Variants in MS4A2 observed in about 807,000 individuals in gnomAD.
MS4A2 encodes the protein high affinity immunoglobulin epsilon receptor subunit beta.
Under a neutral mutation model 27.9 loss-of-function variants are expected in MS4A2, and 26 were observed. That is an observed-to-expected ratio of 0.93 (90% CI 0.68 to 1.29). MS4A2 has a LOEUF of 1.29. Among genes scored for constraint, MS4A2 ranks in the 50% most tolerant of loss-of-function variants. MS4A2 has a pLI of 0.00. For synonymous variants in MS4A2, 110 were observed against 98.8 expected, an observed-to-expected ratio of 1.11 and a Z score of -0.67; for missense variants, 284 against 284.6, an observed-to-expected ratio of 1.00 and a Z score of 0.01.
rs781477121 is a variant in MS4A2 at position 60,089,757 on chromosome 11, C to A, written c.122C>A (p.Ser41Ter). 3.7e-6 allele frequency: 6 copies of A among 1,613,998 alleles called. No individual in the cohort carries two copies. Among genetic ancestry groups the A allele is most frequent in the Non-Finnish European group, 5.1e-6 (6 of 1,179,988 alleles). ...GTATCTTCAGGCAGACTATTGAAGTCGGCCTCATCCCCACCACTGCATACA... is the reference window on the plus strand; with the variant it reads ...GTATCTTCAGGCAGACTATTGAAGTAGGCCTCATCCCCACCACTGCATACA... ...QEVSSGRLLK[S>*]ASSPPLHTWL... Residue 41 changes from serine (S) to a stop codon, truncating the protein, a stop_gained, in exon 2 of 7, where the codon TCG becomes TAG. Transcript: ENST00000278888. LOFTEE classifies it high-confidence loss of function.
At chr11:60,089,589 T>C in intron 1 of MS4A2, 103 bp from the exon 2 acceptor site, 3 of 1,462,642 alleles carry the variant, frequency 2.1e-6, no homozygotes, top group Non-Finnish European at 9.6e-7. Flanking sequence ...AATTACAGGA[T>C]GGCTTTGAAA....
rs1313382122 is a variant in MS4A2, at chr11:60,093,253, G to A, written c.379-147G>A. ...AAGTAATATATGCTCATTAAACAAT[G>A]CGGACATTTTCAGGGTTTCCCTTTT... On this transcript the variant is annotated intron_variant, in intron 4 of 6. Coordinates refer to ENST00000278888, the MANE Select transcript of MS4A2 (RefSeq NM_000139.5). 31 of 925,264 alleles carry A rather than the reference G, an allele frequency of 3.4e-5. No individual in the cohort carries two copies. In the East Asian group the frequency reaches 6.8e-4, roughly 20 times the overall value. The allele number at this position is 925,264 out of a possible 1,614,324, so 57.3% of individuals were successfully genotyped here.
intron 3 of MS4A2, among the ~76,000 whole-genome samples, chr11:60,090,868 A>G (rs554090): frequency 1 from 152,194 of 152,342 alleles, 76,023 homozygotes; most frequent in East Asian, 1. Flanking sequence ...AATAACAACA[A>G]AGGCTGGGCA....
In MS4A2 at chr11:60,093,555, C is replaced by G. The variant is rs1324587419; in HGVS notation, c.534C>G (p.Ser178=). Residue 178 remains serine, a synonymous_variant, in exon 5 of 7, where the codon TCC becomes TCG. Transcript: ENST00000278888. ...FETKCFMASF[S]TEIVVMMLFL... The stretch of plus-strand genomic sequence containing the variant: ...CCAAGTGCTTTATGGCTTCCTTTTC[C>G]ACTGTATGTATTTTTTTTTGTGTGG... 3.7e-6 allele frequency: 6 copies of G among 1,614,144 alleles called. No homozygotes were observed. Among genetic ancestry groups the G allele is most frequent in the Non-Finnish European group, 4.2e-6 (5 of 1,180,000 alleles).
rs749358964 is a variant in MS4A2 at position 60,093,499 on chromosome 11, C to T, written c.478C>T (p.His160Tyr). ...INLKKSLAYIHIHSCQKFFET... is the reference protein window; with the variant it reads ...INLKKSLAYIYIHSCQKFFET... Reference sequence around the variant, plus strand: ...CCTGAAGAAGAGCTTGGCCTATATCCACATCCACAGTTGCCAGAAATTTTT... The same window carrying T: ...CCTGAAGAAGAGCTTGGCCTATATCTACATCCACAGTTGCCAGAAATTTTT... Residue 160 changes from histidine (H) to tyrosine (Y), a missense_variant, in exon 5 of 7, where the codon CAC (histidine) becomes TAC (tyrosine). By Grantham distance (83) the His-to-Tyr change is moderately conservative. Coordinates refer to ENST00000278888, the MANE Select transcript of MS4A2 (RefSeq NM_000139.5). The T allele has an allele frequency of 2.5e-6, 4 of 1,614,036 alleles. No homozygotes were observed. In the East Asian group the frequency reaches 8.9e-5, roughly 36 times the overall value.
chr11:60,089,763 C>T lies in MS4A2; in HGVS notation c.128C>T (p.Ser43Leu). The T allele has an allele frequency of 6.2e-7, 1 of 1,614,182 alleles. No individual in the cohort carries two copies. The highest frequency in any genetic ancestry group is 8.5e-7 in the Non-Finnish European group (1 of 1,180,014). ...TCAGGCAGACTATTGAAGTCGGCCTCATCCCCACCACTGCATACATGGCTG... is the reference window on the plus strand; with the variant it reads ...TCAGGCAGACTATTGAAGTCGGCCTTATCCCCACCACTGCATACATGGCTG... ...VSSGRLLKSASSPPLHTWLTV... is the reference protein window; with the variant it reads ...VSSGRLLKSALSPPLHTWLTV... The change falls in exon 2 of 7, where the codon TCA (serine) becomes TTA (leucine). Residue 43 changes from serine to leucine, a missense_variant. By Grantham distance (145) the Ser-to-Leu change is moderately radical (BLOSUM62 -2). Coordinates refer to ENST00000278888, the MANE Select transcript of MS4A2 (RefSeq NM_000139.5).
At chr11:60,091,778 T>C (rs1457716706) in intron 3 of MS4A2, among the ~76,000 whole-genome samples, 1 of 152,222 alleles carries the variant, frequency 6.6e-6, no homozygotes, top group Non-Finnish European at 1.5e-5. Context: ...TCAGATGACT[T>C]GTTCAGGACT....
chr11:60,091,520 CT>C (rs969771145), intron 3 of MS4A2, among the ~76,000 whole-genome samples: 1 of 152,200 alleles, frequency 6.6e-6, no homozygotes, highest in Non-Finnish European at 1.5e-5. Flanking sequence ...GTAACTCTTT[CT>C]TCCTCCCTCC....
At chr11:60,092,705 G>A (rs502581) in intron 3 of MS4A2, 87 bp from the exon 4 acceptor site, 1 of 1,209,838 alleles carries the variant, frequency 8.3e-7, no homozygotes, top group Non-Finnish European at 1.2e-6. Context: ...TACCCCAAAT[G>A]TTACCTATGT....
At position 60,093,393 on chromosome 11, in the gene MS4A2, T is replaced by C; in HGVS notation, c.379-7T>C. ...GCCCAGGTCTGAGTGTTCTTCATTA[T>C]TATCAGGTGAGAGGAAGCCTGGGAG... On this transcript the variant is annotated splice_polypyrimidine_tract_variant and splice_region_variant and intron_variant, in intron 4 of 6. Transcript: ENST00000278888. 6.2e-7 allele frequency: 1 copy of C among 1,614,164 alleles called. No homozygotes were observed. Among genetic ancestry groups the C allele is most frequent in the Non-Finnish European group, 8.5e-7 (1 of 1,180,018 alleles).
At position 60,096,381 on chromosome 11, in the gene MS4A2, A is replaced by G. The variant is rs1466301698; in HGVS notation, c.*725A>G. 1 of 152,196 alleles carries G rather than the reference A, an allele frequency of 6.6e-6. No individual in the cohort carries two copies. Among genetic ancestry groups the G allele is most frequent in the African/African-American group, 2.4e-5 (1 of 41,450 alleles). The allele number at this position is 152,196 out of a possible 1,614,324, so 9.4% of individuals were successfully genotyped here. ...ACATTTCACAAATGTTTAGTGAAACATTTGTGAAAAAAGAAGACTAAATTA... is the reference window on the plus strand; with the variant it reads ...ACATTTCACAAATGTTTAGTGAAACGTTTGTGAAAAAAGAAGACTAAATTA... On this transcript the variant is annotated 3_prime_UTR_variant, in exon 7 of 7. Transcript: ENST00000278888.
chr11:60,094,746 CA>C (rs1274092778), intron 6 of MS4A2, among the ~76,000 whole-genome samples: 3 of 152,194 alleles, frequency 2.0e-5, no homozygotes, highest in African/African-American at 7.2e-5. Context: ...GTCAGGAGTT[CA>C]AAACCAGCCT....
intron 1 of MS4A2, 146 bp from the exon 2 acceptor site, chr11:60,089,546 C>G: frequency 1.8e-6 from 2 of 1,089,256 alleles, no homozygotes; most frequent in Non-Finnish European, 2.7e-6. Context: ...ATGCTCTGAG[C>G]TTTAGTTTCT....
chr11:60,092,296 CTT>C (rs3038646), intron 3 of MS4A2, among the ~76,000 whole-genome samples: 44 of 139,808 alleles, frequency 3.1e-4, no homozygotes, highest in Admixed American at 5.7e-4. Context: ...TTCATATACA[CTT>C]TTTTTTTTTT....
intron 3 of MS4A2, among the ~76,000 whole-genome samples, chr11:60,092,390 GGTT>G (rs1855778494): frequency 6.6e-6 from 1 of 151,586 alleles, no homozygotes; most frequent in African/African-American, 2.4e-5. Flanking sequence ...CTGCCTCCCG[GGTT>G]CAAGTGATTC....
At position 60,095,608 on chromosome 11, in the gene MS4A2, C is replaced by T; in HGVS notation, c.687C>T (p.Tyr229=). The change falls in exon 7 of 7, where the codon TAC becomes TAT. Residue 229 remains tyrosine, a synonymous_variant. Coordinates refer to ENST00000278888, the MANE Select transcript of MS4A2 (RefSeq NM_000139.5). ...AATTAAACATATATTCAGCTACTTA[C>T]AGTGAGTTGGAAGACCCAGGGGAAA... The part of the protein sequence containing the change: ...YEELNIYSAT[Y]SELEDPGEMS... 6.2e-7 allele frequency: 1 copy of T among 1,612,956 alleles called. No homozygotes were observed. The highest frequency in any genetic ancestry group is 2.2e-5 in the East Asian group (1 of 44,868).
chr11:60,093,925 T>C (rs1460525774), intron 5 of MS4A2, 39 bp from the exon 6 acceptor site: 5 of 1,504,960 alleles, frequency 3.3e-6, no homozygotes, highest in Non-Finnish European at 2.8e-6. Flanking sequence ...GCGAATACCA[T>C]GTGACTCTTT....
At chr11:60,091,825 G>A (rs1159498086) in intron 3 of MS4A2, among the ~76,000 whole-genome samples, 18 of 152,100 alleles carry the variant, frequency 1.2e-4, no homozygotes, top group Non-Finnish European at 2.4e-4. Context: ...ATTGAAACTT[G>A]TCTCTACTGT....
At chr11:60,091,966 A>G (rs1386785926) in intron 3 of MS4A2, among the ~76,000 whole-genome samples, 1 of 152,246 alleles carries the variant, frequency 6.6e-6, no homozygotes, top group South Asian at 2.1e-4. Context: ...GTTTGGTAAA[A>G]ATATCATCAT....
Sources: allele counts gnomAD v4.1 joint callset (sites outside exome capture counted in the v4.1 genomes callset), GRCh38; gene constraint gnomAD v4.1.1; transcripts MANE v1.5; gene names NCBI Gene and HGNC (gene_info 2026-07-23, HGNC 2026-07-21).